Variants in CTNNA2 observed in about 807,000 individuals in gnomAD.
CTNNA2 encodes the protein catenin alpha-2.
CTNNA2 carries 42 observed loss-of-function variants against 101.0 expected under a neutral mutation model. The observed-to-expected ratio is 0.42, with a 90% CI of 0.32 to 0.54. The LOEUF (loss-of-function observed/expected upper bound fraction) is 0.54. Among genes scored for constraint, CTNNA2 ranks in the 20% least tolerant of loss-of-function variants. The pLI, the probability that CTNNA2 is intolerant of heterozygous loss-of-function variation, is 0.14. For missense variants in CTNNA2, 871 were observed against 1,223.1 expected (o/e 0.71, Z 4.29); for synonymous variants, 450 against 456.4 (o/e 0.99, Z 0.18).
intron 7 of CTNNA2, among the ~76,000 whole-genome samples, chr2:80,070,893 C>T (rs1483011606): frequency 1.3e-5 from 2 of 152,104 alleles, no homozygotes; most frequent in Non-Finnish European, 2.9e-5. Flanking sequence ...GGTCACATTG[C>T]CTTCGCTGTG....
chr2:79,713,020 A>G (rs1299778429), intron 2 of CTNNA2, among the ~76,000 whole-genome samples: 1 of 152,226 alleles, frequency 6.6e-6, no homozygotes, highest in Non-Finnish European at 1.5e-5. Flanking sequence ...GTGAGTCCTC[A>G]GGGGAAAAAC....
chr2:79,840,609 T>G (rs1679723826), intron 3 of CTNNA2, among the ~76,000 whole-genome samples: 1 of 152,110 alleles, frequency 6.6e-6, no homozygotes, highest in African/African-American at 2.4e-5. Flanking sequence ...AGATATTATT[T>G]TATTCATTTT....
chr2:80,089,773 C>T (rs1699668947), intron 7 of CTNNA2, among the ~76,000 whole-genome samples: 1 of 151,924 alleles, frequency 6.6e-6, no homozygotes, highest in Admixed American at 6.6e-5. Flanking sequence ...AGGGAAGATC[C>T]AAGGGACTCT....
chr2:80,229,330 G>T (rs1024720997), intron 7 of CTNNA2, among the ~76,000 whole-genome samples: 1 of 152,192 alleles, frequency 6.6e-6, no homozygotes, highest in Non-Finnish European at 1.5e-5. Flanking sequence ...CCCTATTTCA[G>T]ATGCCAGTTC....
At chr2:79,416,262 T>TC (rs1455227585) in intron 4 of CTNNA2, among the ~76,000 whole-genome samples, 2,321 of 137,424 alleles carry the variant, frequency 0.017, 88 homozygotes, top group African/African-American at 0.063. Context: ...CTTTTCTTTT[T>TC]TTTTTTTTTT....
chr2:79,330,551 T>A (rs903792406), intron 3 of CTNNA2, among the ~76,000 whole-genome samples: 2 of 152,194 alleles, frequency 1.3e-5, no homozygotes, highest in African/African-American at 4.8e-5. Context: ...GGCTGGGTGA[T>A]ATAGTTTGGC....
At chr2:80,430,464 A>C (rs1251171846) in intron 9 of CTNNA2, among the ~76,000 whole-genome samples, 1 of 152,214 alleles carries the variant, frequency 6.6e-6, no homozygotes, top group Non-Finnish European at 1.5e-5. Context: ...TGACAGAACC[A>C]AATGAATTCA....
intron 2 of CTNNA2, among the ~76,000 whole-genome samples, chr2:79,243,771 G>C (rs868841728): frequency 6.6e-6 from 1 of 152,120 alleles, no homozygotes; most frequent in East Asian, 1.9e-4. Context: ...AAGATTAACC[G>C]AGGGAAGGGA....
chr2:80,322,527 C>CT (rs1406497674), intron 7 of CTNNA2, among the ~76,000 whole-genome samples: 5 of 151,756 alleles, frequency 3.3e-5, no homozygotes, highest in African/African-American at 1.2e-4. Flanking sequence ...GCGGGGCTGC[C>CT]TGCAGCCCCC....
intron 4 of CTNNA2, among the ~76,000 whole-genome samples, chr2:79,391,895 G>A (rs938084120): frequency 2.0e-5 from 3 of 152,078 alleles, no homozygotes; most frequent in African/African-American, 7.2e-5. Context: ...TTCTCCTGAG[G>A]CCTCTCTTCC....
intron 7 of CTNNA2, among the ~76,000 whole-genome samples, chr2:80,166,386 A>G (rs1704697464): frequency 6.6e-6 from 1 of 152,106 alleles, no homozygotes; most frequent in Admixed American, 6.5e-5. Context: ...TTAATCAACC[A>G]TGCCTAGGCA....
At chr2:79,910,191 G>A (rs559386270) in intron 7 of CTNNA2, among the ~76,000 whole-genome samples, 1 of 152,250 alleles carries the variant, frequency 6.6e-6, no homozygotes, top group South Asian at 2.1e-4. Flanking sequence ...AGCTGTAGAT[G>A]CGAATCTTCA....
intron 7 of CTNNA2, among the ~76,000 whole-genome samples, chr2:80,212,731 A>G (rs534883912): frequency 2.0e-5 from 3 of 152,306 alleles, no homozygotes; most frequent in African/African-American, 7.2e-5. Flanking sequence ...TGCTGGCCTC[A>G]TAGAATGAGT....
intron 7 of CTNNA2, among the ~76,000 whole-genome samples, chr2:80,004,508 G>C (rs1175449168): frequency 1.3e-5 from 2 of 152,044 alleles, no homozygotes; most frequent in Non-Finnish European, 2.9e-5. Context: ...CTATGGGCCA[G>C]GCAGATGGGT....
chr2:79,562,838 T>A (rs551084555), intron 1 of CTNNA2, among the ~76,000 whole-genome samples: 1 of 152,058 alleles, frequency 6.6e-6, no homozygotes, highest in East Asian at 1.9e-4. Context: ...TGGAGTTAGA[T>A]GTTAAAAAAA....
intron 12 of CTNNA2, among the ~76,000 whole-genome samples, chr2:80,564,708 C>T (rs1052420853): frequency 6.6e-6 from 1 of 152,080 alleles, no homozygotes; most frequent in Non-Finnish European, 1.5e-5. Context: ...AGATGATTGA[C>T]TCGGATGAAA....
chr2:79,590,513 G>T (rs1208532498), intron 1 of CTNNA2, among the ~76,000 whole-genome samples: 1 of 152,030 alleles, frequency 6.6e-6, no homozygotes, highest in Non-Finnish European at 1.5e-5. Flanking sequence ...GAATGACAGG[G>T]TTAAAAAATA....
At chr2:80,549,459 T>A (rs1692373267) in intron 11 of CTNNA2, among the ~76,000 whole-genome samples, 1 of 152,226 alleles carries the variant, frequency 6.6e-6, no homozygotes, top group African/African-American at 2.4e-5. Flanking sequence ...TCACTGATTT[T>A]TTTTCATAAC....
intron 7 of CTNNA2, among the ~76,000 whole-genome samples, chr2:80,346,601 C>T (rs718466): frequency 0.16 from 23,647 of 152,140 alleles, 2,295 homozygotes; most frequent in East Asian, 0.36. Flanking sequence ...TTATACTCCT[C>T]AAGTTCTTCC....
Sources: allele counts gnomAD v4.1 joint callset (sites outside exome capture counted in the v4.1 genomes callset), GRCh38; gene constraint gnomAD v4.1.1; transcripts MANE v1.5; gene names NCBI Gene and HGNC (gene_info 2026-07-23, HGNC 2026-07-21).